RABGAP1L: variants seen among roughly 807,000 people sequenced by gnomAD.
RABGAP1L encodes the protein RAB GTPase activating protein 1 like, also known as rab GTPase-activating protein 1-like.
In RABGAP1L, 63 loss-of-function variants were observed where a neutral mutation model predicts 137.7. The ratio of observed to expected loss-of-function variants is 0.46; its 90% CI spans 0.37 to 0.56. RABGAP1L has a LOEUF of 0.56. RABGAP1L is among the 20% of genes least tolerant of loss of function. RABGAP1L has a pLI of 0.00. For synonymous variants in RABGAP1L, 431 were observed against 433.7 expected (o/e 0.99, Z 0.08); for missense variants, 1,095 against 1,244.0 (o/e 0.88, Z 1.80).
chr1:174,224,488 T>G (rs1271854552), intron 3 of RABGAP1L, among the ~76,000 whole-genome samples: 2 of 152,144 alleles, frequency 1.3e-5, no homozygotes, highest in African/African-American at 4.8e-5. Context: ...ATTTTAAATC[T>G]GAGTGCAAAA....
At chr1:174,671,565 C>G (rs1677177624) in intron 14 of RABGAP1L, among the ~76,000 whole-genome samples, 1 of 152,040 alleles carries the variant, frequency 6.6e-6, no homozygotes, top group African/African-American at 2.4e-5. Flanking sequence ...ATTGAAATGA[C>G]TTTGACTTTT....
intron 13 of RABGAP1L, among the ~76,000 whole-genome samples, chr1:174,636,064 G>T (rs1487586821): frequency 2.0e-5 from 3 of 152,120 alleles, no homozygotes; most frequent in Admixed American, 6.5e-5. Context: ...TTCACCATCA[G>T]TGTTGCTATA....
chr1:174,696,877 C>T (rs760556668), intron 15 of RABGAP1L, among the ~76,000 whole-genome samples: 2 of 152,136 alleles, frequency 1.3e-5, no homozygotes, highest in South Asian at 2.1e-4. Flanking sequence ...GTGTTTCTTG[C>T]GTGGATAGTT....
intron 13 of RABGAP1L, among the ~76,000 whole-genome samples, chr1:174,507,942 A>T (rs1294942943): frequency 1.3e-5 from 2 of 152,158 alleles, no homozygotes; most frequent in Non-Finnish European, 2.9e-5. Flanking sequence ...GTTTGGACTC[A>T]GTAGGTGCCC....
intron 12 of RABGAP1L, among the ~76,000 whole-genome samples, chr1:174,380,742 C>A (rs1449355858): frequency 1.7e-5 from 2 of 116,598 alleles, no homozygotes; most frequent in African/African-American, 6.7e-5. Context: ...AAAACCAGCT[C>A]CTGGATTCAT....
chr1:174,436,996 G>A (rs534162865), intron 13 of RABGAP1L, among the ~76,000 whole-genome samples: 27 of 152,380 alleles, frequency 1.8e-4, no homozygotes, highest in African/African-American at 6.3e-4. Context: ...CAACAGACCT[G>A]CAGCTGAGGG....
At chr1:174,384,648 A>G (rs922042065) in intron 12 of RABGAP1L, among the ~76,000 whole-genome samples, 6 of 152,058 alleles carry the variant, frequency 3.9e-5, no homozygotes, top group Non-Finnish European at 7.4e-5. Context: ...TTATTTTGTA[A>G]TATTTATTAT....
At chr1:174,720,547 C>A (rs910880010) in intron 17 of RABGAP1L, among the ~76,000 whole-genome samples, 1 of 152,072 alleles carries the variant, frequency 6.6e-6, no homozygotes, top group African/African-American at 2.4e-5. Flanking sequence ...AACTCCTGAG[C>A]TCAAGTAATC....
intron 19 of RABGAP1L, among the ~76,000 whole-genome samples, chr1:174,851,952 A>G (rs1189457533): frequency 1.3e-5 from 2 of 152,172 alleles, no homozygotes; most frequent in Non-Finnish European, 2.9e-5. Context: ...GAATTCTTTG[A>G]CTACCTTAGT....
At chr1:174,929,848 A>T (rs898812298) in intron 19 of RABGAP1L, among the ~76,000 whole-genome samples, 1 of 124,724 alleles carries the variant, frequency 8.0e-6, no homozygotes, top group Non-Finnish European at 1.6e-5. Flanking sequence ...GCAAAATTTA[A>T]TTTTTTTTTT....
In RABGAP1L at chr1:174,991,059, G is replaced by A. The variant is rs748249828; in HGVS notation, c.*1058G>A. The A allele has an allele frequency of 3.3e-5, 5 of 152,134 alleles. No homozygotes were observed. Among genetic ancestry groups the A allele is most frequent in the African/African-American group, 9.7e-5 (4 of 41,418 alleles). The allele number at this position is 152,134 out of a possible 1,614,324, so 9.4% of individuals were successfully genotyped here. On this transcript the variant is annotated 3_prime_UTR_variant, in exon 26 of 26. Transcript: ENST00000681986. ...CTGATTTCTGTAGTTCCCTGAAAAT[G>A]TGTCCTTCGTACCCATAAAGAGATA... is the stretch of plus-strand genomic sequence containing the variant.
intron 19 of RABGAP1L, among the ~76,000 whole-genome samples, chr1:174,902,940 T>C (rs972981560): frequency 6.6e-6 from 1 of 152,226 alleles, no homozygotes; most frequent in African/African-American, 2.4e-5. Flanking sequence ...TCGGCCATCT[T>C]GGATTGATCT....
intron 19 of RABGAP1L, among the ~76,000 whole-genome samples, chr1:174,938,076 T>C (rs1402910610): frequency 7.2e-6 from 1 of 138,242 alleles, no homozygotes; most frequent in East Asian, 2.3e-4. Flanking sequence ...TTTCCATCTA[T>C]AAATAATTTT....
At chr1:174,231,529 G>A (rs915632699) in intron 4 of RABGAP1L, among the ~76,000 whole-genome samples, 174 bp downstream of exon 4, 1 of 152,116 alleles carries the variant, frequency 6.6e-6, no homozygotes, top group Non-Finnish European at 1.5e-5. Context: ...TTGAACAATT[G>A]TATTAGTCTA....
chr1:174,649,978 G>T (rs867945121), intron 14 of RABGAP1L, among the ~76,000 whole-genome samples: 1 of 152,062 alleles, frequency 6.6e-6, no homozygotes, highest in Non-Finnish European at 1.5e-5. Context: ...GTGTGTCATA[G>T]ATAGCTCTTA....
chr1:174,718,542 T>G (rs1681209901), intron 17 of RABGAP1L, among the ~76,000 whole-genome samples: 1 of 152,220 alleles, frequency 6.6e-6, no homozygotes, highest in African/African-American at 2.4e-5. Context: ...GTCTGATGTC[T>G]CAGTTGGATA....
intron 13 of RABGAP1L, among the ~76,000 whole-genome samples, chr1:174,427,396 T>G (rs905728891): frequency 2.0e-5 from 3 of 152,280 alleles, no homozygotes; most frequent in African/African-American, 7.2e-5. Context: ...ATTTCTCTCT[T>G]AAGCATGTCT....
At chr1:174,973,469 C>G (rs1397290763) in intron 21 of RABGAP1L, among the ~76,000 whole-genome samples, 1 of 149,442 alleles carries the variant, frequency 6.7e-6, no homozygotes, top group African/African-American at 2.5e-5. Flanking sequence ...ACTGCAACCT[C>G]TATCTCCTGG....
At position 174,393,983 on chromosome 1, in the gene RABGAP1L, TTG is replaced by T; in HGVS notation, c.1560-10_1560-9del. ...AAGGAAGTGTGAATGGATTATTTTC[TTG>T]TCTTCTCAGGCACAGTAACCTTGGT... On this transcript the variant is annotated splice_polypyrimidine_tract_variant and intron_variant, in intron 12 of 25. Transcript: ENST00000681986. 6.2e-7 allele frequency: 1 copy of T among 1,610,392 alleles called. No homozygotes were observed.
Sources: gnomAD v4.1 joint callset for allele counts (sites outside exome capture counted in the v4.1 genomes callset) on GRCh38, gnomAD v4.1.1 for gene constraint, MANE v1.5 for transcripts, NCBI Gene and HGNC (gene_info 2026-07-23, HGNC 2026-07-21) for gene names.